NBAS: variants seen among roughly 807,000 people sequenced by gnomAD.
NBAS encodes the protein NAG/BC035112 fusion.
NBAS carries 219 observed loss-of-function variants against 302.5 expected under a neutral mutation model. The ratio of observed to expected loss-of-function variants is 0.72; its 90% CI spans 0.65 to 0.81. The LOEUF (loss-of-function observed/expected upper bound fraction) is 0.81. Ranked by LOEUF, NBAS falls within the 30% of genes least tolerant of loss-of-function variation. The pLI is 0.00. For synonymous variants in NBAS, 1,118 were observed against 1,021.6 expected (o/e 1.09, Z -1.80); for missense variants, 2,932 against 2,841.6 (o/e 1.03, Z -0.72).
intron 44 of NBAS, among the ~76,000 whole-genome samples, chr2:15,240,476 G>A (rs946295843): frequency 1.3e-5 from 2 of 150,266 alleles, no homozygotes; most frequent in African/African-American, 4.9e-5. Flanking sequence ...AATTAGCCGG[G>A]CGTGGTGGCG....
the NBAS span, among the ~76,000 whole-genome samples, chr2:14,990,232 G>A: frequency 2.7e-5 from 4 of 146,692 alleles, no homozygotes; most frequent in African/African-American, 1.0e-4. Context: ...GGCTGACATG[G>A]TGAAACCCTG....
At chr2:15,513,942 G>A (rs1662266053) in intron 9 of NBAS, among the ~76,000 whole-genome samples, 1 of 152,050 alleles carries the variant, frequency 6.6e-6, no homozygotes, top group Non-Finnish European at 1.5e-5. Flanking sequence ...AGCCATAATT[G>A]TGCCACTGAA....
At chr2:15,140,385 C>A in the NBAS span, among the ~76,000 whole-genome samples, 3,446 of 152,284 alleles carry the variant, frequency 0.023, 123 homozygotes, top group East Asian at 0.13. Context: ...TGGTTGACAA[C>A]CCTAAATTTG....
chr2:15,324,888 T>C (rs1300220105), intron 38 of NBAS, among the ~76,000 whole-genome samples: 2 of 152,204 alleles, frequency 1.3e-5, no homozygotes, highest in Non-Finnish European at 2.9e-5. Context: ...CATCATTTAG[T>C]TATCAACTAC....
chr2:14,950,435 A>C, the NBAS span, among the ~76,000 whole-genome samples: 1 of 152,364 alleles, frequency 6.6e-6, no homozygotes, highest in South Asian at 2.1e-4. Flanking sequence ...AACATAAAAA[A>C]CACAAATATT....
At chr2:14,935,715 A>G in the NBAS span, among the ~76,000 whole-genome samples, 427 of 152,288 alleles carry the variant, frequency 2.8e-3, 2 homozygotes, top group South Asian at 7.2e-3. Flanking sequence ...TCTTCTAGCT[A>G]CTTCAGAATT....
At chr2:15,059,609 A>G in the NBAS span, among the ~76,000 whole-genome samples, 9 of 152,142 alleles carry the variant, frequency 5.9e-5, no homozygotes, top group Non-Finnish European at 1.0e-4. Context: ...CCTCCCTCGC[A>G]CTGACCTGAT....
chr2:15,394,417 T>C (rs1159876600), intron 27 of NBAS, 68 bp from the exon 28 acceptor site: 12 of 1,545,938 alleles, frequency 7.8e-6, no homozygotes, highest in Admixed American at 1.7e-5. Context: ...ATCTTAGGCA[T>C]AGAGGTAGCC....
chr2:15,532,488 C>CAAAAAA (rs896529713), intron 9 of NBAS, among the ~76,000 whole-genome samples: 3 of 47,764 alleles, frequency 6.3e-5, no homozygotes, highest in Admixed American at 2.2e-4. Context: ...GACTCCATCT[C>CAAAAAA]AAAAAAAAAA....
chr2:15,119,303 CTTTTT>C, the NBAS span, among the ~76,000 whole-genome samples: 32 of 107,764 alleles, frequency 3.0e-4, no homozygotes, highest in African/African-American at 8.2e-4. Context: ...GAAATCCTTT[CTTTTT>C]TTTTTTTTTT....
the NBAS span, among the ~76,000 whole-genome samples, chr2:15,133,730 A>G: frequency 6.6e-6 from 1 of 152,118 alleles, no homozygotes; most frequent in Non-Finnish European, 1.5e-5. Flanking sequence ...ATTTTTTGGT[A>G]GATATAATGT....
At chr2:15,419,353 GTGTGTGT>G (rs1251345085) in intron 23 of NBAS, among the ~76,000 whole-genome samples, 2 of 149,468 alleles carry the variant, frequency 1.3e-5, no homozygotes, top group African/African-American at 5.1e-5. Flanking sequence ...GTGTGTGTGT[GTGTGTGT>G]AGAAGAATAC....
chr2:15,381,199 T>C (rs959047715), intron 29 of NBAS, among the ~76,000 whole-genome samples: 3 of 152,152 alleles, frequency 2.0e-5, no homozygotes, highest in Admixed American at 6.5e-5. Flanking sequence ...TTTGCTAAAA[T>C]GAACAACATA....
intron 6 of NBAS, among the ~76,000 whole-genome samples, chr2:15,543,843 C>T (rs1280962994): frequency 1.3e-5 from 2 of 152,202 alleles, no homozygotes; most frequent in African/African-American, 2.4e-5. Flanking sequence ...ATTTGTCAGA[C>T]ATTTTATTGT....
chr2:15,309,074 G>C (rs1671161019), intron 39 of NBAS, 97 bp downstream of exon 39: 1 of 705,162 alleles, frequency 1.4e-6, no homozygotes, highest in African/African-American at 1.8e-5. Flanking sequence ...GAAACAGGAG[G>C]AAATGGCATG....
chr2:15,348,142 A>G (rs745579428), intron 35 of NBAS, among the ~76,000 whole-genome samples: 1 of 152,234 alleles, frequency 6.6e-6, no homozygotes, highest in Non-Finnish European at 1.5e-5. Flanking sequence ...ACCTAATGAT[A>G]GTAGCTATAA....
the NBAS span, among the ~76,000 whole-genome samples, chr2:15,147,160 C>G: frequency 8.5e-5 from 13 of 152,116 alleles, no homozygotes; most frequent in African/African-American, 2.7e-4. Context: ...GGAAATGTCC[C>G]TGGGAGGCAG....
intron 35 of NBAS, among the ~76,000 whole-genome samples, chr2:15,332,988 C>T (rs899491220): frequency 1.3e-5 from 2 of 152,234 alleles, no homozygotes; most frequent in Non-Finnish European, 2.9e-5. Context: ...AAGACACAGG[C>T]TCTGCCCTCA....
At chr2:15,361,957 GAA>G (rs1473680906) in intron 32 of NBAS, among the ~76,000 whole-genome samples, 1 of 146,426 alleles carries the variant, frequency 6.8e-6, no homozygotes, top group African/African-American at 2.5e-5. Context: ...TCTAGCCCGA[GAA>G]ACAGGAGTGA....
Sources: allele counts gnomAD v4.1 joint callset (sites outside exome capture counted in the v4.1 genomes callset), GRCh38; gene constraint gnomAD v4.1.1; transcripts MANE v1.5; gene names NCBI Gene and HGNC (gene_info 2026-07-23, HGNC 2026-07-21).